The following TRARG1 variants were observed in gnomAD, a reference collection of about 807,000 sequenced individuals.
TRARG1 encodes the protein trafficking regulator of GLUT4 1.
In TRARG1, 16 loss-of-function variants were observed where a neutral mutation model predicts 13.3. The ratio of observed to expected loss-of-function variants is 1.20; its 90% CI spans 0.81 to 1.83. The LOEUF is 1.83. Ranked by LOEUF, TRARG1 falls within the 40% of genes most tolerant of loss-of-function variation. The probability of loss-of-function intolerance (pLI) is 0.00; values close to 1 mark genes in which losing one functional copy is unlikely to be tolerated. For missense variants in TRARG1, 250 were observed against 237.4 expected, an observed-to-expected ratio of 1.05 and a Z score of -0.35; for synonymous variants, 113 against 106.2, an observed-to-expected ratio of 1.06 and a Z score of -0.39.
chr17:1,280,806 T>G (rs988335102), intron 1 of TRARG1, among the ~76,000 whole-genome samples: 4 of 152,166 alleles, frequency 2.6e-5, no homozygotes, highest in Non-Finnish European at 4.4e-5. Context: ...CCAGCGCCCA[T>G]GTGTCCTCCC....
chr17:1,281,539 T>A (rs1234894206), intron 1 of TRARG1, among the ~76,000 whole-genome samples: 1 of 152,156 alleles, frequency 6.6e-6, no homozygotes, highest in Non-Finnish European at 1.5e-5. Context: ...AGTACTACCT[T>A]TCAGGACATC....
At position 1,280,332 on chromosome 17, in the gene TRARG1, G is replaced by A. The variant is rs753286797; in HGVS notation, c.331G>A (p.Ala111Thr). The change falls in exon 1 of 3, where the codon GCC becomes ACC. Residue 111 changes from alanine (A) to threonine (T), a missense_variant. Ala to Thr is a moderately conservative substitution (Grantham distance 58, BLOSUM62 0). Coordinates refer to ENST00000333813, the MANE Select transcript of TRARG1 (RefSeq NM_172367.3). ...PRDYLILAVV[A>T]CFCPVWPLNL... ...AGATTACCTCATCCTGGCCGTCGTC[G>A]CCTGCTTCTGCCCCGTCTGGCCCCT... 22 of 1,613,022 alleles carry A rather than the reference G, an allele frequency of 1.4e-5. No homozygotes were observed. Among genetic ancestry groups the A allele is most frequent in the South Asian group, 2.2e-5 (2 of 90,948 alleles).
In TRARG1 at chr17:1,280,395, G is replaced by A. The variant is rs773523379; in HGVS notation, c.387+7G>A. ...CCTCATCATTTCCATCATGGTAAGT[G>A]CTGGTCTTTGTTCCAGGGGCAGGGG... On this transcript the variant is annotated splice_region_variant and intron_variant, in intron 1 of 2. Transcript: ENST00000333813. 1 of 1,575,526 alleles carries A rather than the reference G, an allele frequency of 6.3e-7. No homozygotes were observed. The highest frequency in any genetic ancestry group is 8.6e-7 in the Non-Finnish European group (1 of 1,161,706).
At position 1,295,549 on chromosome 17, in the gene TRARG1, C is replaced by T. The variant is rs2072105198; in HGVS notation, c.446C>T (p.Ala149Val). The stretch of plus-strand genomic sequence containing the variant: ...GGCGCCCGGAGGCTGGGCCGCCTGG[C>T]TCGGCTGCTCAGCATTACCCTCATC... ...VDGARRLGRL[A>V]RLLSITLIIM... Residue 149 changes from alanine (A) to valine (V), a missense_variant, in exon 2 of 3, where the codon GCT becomes GTT. Transcript: ENST00000333813. 2 of 1,613,304 alleles carry T rather than the reference C, an allele frequency of 1.2e-6. No homozygotes were observed. Among genetic ancestry groups the T allele is most frequent in the Non-Finnish European group, 1.7e-6 (2 of 1,179,822 alleles).
In TRARG1 at chr17:1,290,124, C is replaced by T. The variant is rs118088900; in HGVS notation, c.388-5367C>T. Among the ~76,000 whole-genome samples the T allele has an allele frequency of 1.4e-3, 214 of 152,326 alleles. 1 individual carries two copies. The highest frequency in any genetic ancestry group is 2.4e-3 in the Admixed American group (36 of 15,292). On this transcript the variant is annotated intron_variant, in intron 1 of 2. Coordinates refer to ENST00000333813, the MANE Select transcript of TRARG1 (RefSeq NM_172367.3). ...ACCTGAACTCTTTTCCAATTCTCTA[C>T]TTCCTTCCAGTCTTTGAAACTGTCT...
chr17:1,281,801 T>G (rs1055786186), intron 1 of TRARG1, among the ~76,000 whole-genome samples: 1 of 152,046 alleles, frequency 6.6e-6, no homozygotes, highest in Non-Finnish European at 1.5e-5. Context: ...AGAAAACAGC[T>G]GCTGGAATCC....
chr17:1,297,012 T>C (rs998699977), intron 2 of TRARG1, among the ~76,000 whole-genome samples: 1 of 152,104 alleles, frequency 6.6e-6, no homozygotes, highest in Non-Finnish European at 1.5e-5. Flanking sequence ...TGAGGTGACT[T>C]TGGGGGGTCA....
At chr17:1,282,197 C>T (rs1379579767) in intron 1 of TRARG1, among the ~76,000 whole-genome samples, 2 of 143,160 alleles carry the variant, frequency 1.4e-5, no homozygotes, top group Non-Finnish European at 3.0e-5. Context: ...TGTACGTGTA[C>T]ACGTGCGTAT....
At position 1,279,710 on chromosome 17, in the gene TRARG1, T is replaced by C. The variant is rs947773813; in HGVS notation, c.-292T>C. ...GCTTTCCGTTGCTTCCCTGCCCATC[T>C]GTGCTCTCAGCAGCACCAGCAAAGT... On this transcript the variant is annotated 5_prime_UTR_variant, in exon 1 of 3. Transcript: ENST00000333813. 6 of 412,158 alleles carry C rather than the reference T, an allele frequency of 1.5e-5. No homozygotes were observed. Among genetic ancestry groups the C allele is most frequent in the Non-Finnish European group, 2.6e-5 (6 of 229,044 alleles). The allele number at this position is 412,158 out of a possible 1,614,324, so 25.5% of individuals were successfully genotyped here.
At chr17:1,292,759 T>C (rs1197979306) in intron 1 of TRARG1, among the ~76,000 whole-genome samples, 1 of 152,208 alleles carries the variant, frequency 6.6e-6, no homozygotes, top group East Asian at 1.9e-4. Flanking sequence ...GTTCTCCTGG[T>C]ATCAAGTGCC....
chr17:1,280,960 G>A (rs2071968869), intron 1 of TRARG1, among the ~76,000 whole-genome samples: 1 of 152,184 alleles, frequency 6.6e-6, no homozygotes, highest in African/African-American at 2.4e-5. Context: ...TGCTCCTCCC[G>A]AGGCGTGGAG....
intron 1 of TRARG1, among the ~76,000 whole-genome samples, chr17:1,283,639 T>A (rs1268031260): frequency 6.6e-6 from 1 of 151,264 alleles, no homozygotes; most frequent in African/African-American, 2.4e-5. Context: ...CAACCCCATC[T>A]CTACTAAAAA....
At position 1,279,854 on chromosome 17, in the gene TRARG1, C is replaced by A; in HGVS notation, c.-148C>A. 1.1e-6 allele frequency: 1 copy of A among 918,044 alleles called. No individual in the cohort carries two copies. Among genetic ancestry groups the A allele is most frequent in the Non-Finnish European group, 1.6e-6 (1 of 632,794 alleles). 56.9% of individuals were successfully genotyped at this position (918,044 alleles called of 1,614,324 possible). ...CTTGAGAAGCTCAGCCCAACCCTTC[C>A]AGCACCCAGCCGGCCCTCCGTCTCC... On this transcript the variant is annotated 5_prime_UTR_variant, in exon 1 of 3. Coordinates refer to ENST00000333813, the MANE Select transcript of TRARG1 (RefSeq NM_172367.3).
intron 2 of TRARG1, among the ~76,000 whole-genome samples, chr17:1,296,178 A>G (rs1296918791): frequency 6.6e-6 from 1 of 152,148 alleles, no homozygotes; most frequent in Non-Finnish European, 1.5e-5. Context: ...CAGGGGAAAC[A>G]TTTTTTATTA....
intron 2 of TRARG1, among the ~76,000 whole-genome samples, chr17:1,296,433 T>G (rs1384589063): frequency 6.6e-6 from 1 of 151,118 alleles, no homozygotes; most frequent in Non-Finnish European, 1.5e-5. Context: ...GACCTCAGGT[T>G]ATCCACCCAC....
At chr17:1,290,707 G>A (rs1316175966) in intron 1 of TRARG1, among the ~76,000 whole-genome samples, 1 of 151,880 alleles carries the variant, frequency 6.6e-6, no homozygotes, top group South Asian at 2.1e-4. Flanking sequence ...TGGACTAATC[G>A]CAATCCCTGC....
rs536991604 is a variant in TRARG1 at position 1,282,628 on chromosome 17, G to A, written c.387+2240G>A. On this transcript the variant is annotated intron_variant, in intron 1 of 2. Transcript: ENST00000333813. ...TCGTGATCCACCCACCTCGGCCTCC[G>A]AAAGGGCTGGGATTACAGGTGTGAG... 9.3e-5 allele frequency among the ~76,000 whole-genome samples: 14 copies of A among 150,886 alleles called. 1 individual carries two copies. The South Asian group carries it at 1.3e-3, about 14-fold the overall frequency.
intron 1 of TRARG1, among the ~76,000 whole-genome samples, chr17:1,294,802 C>A (rs924756756): frequency 2.6e-4 from 39 of 151,992 alleles, no homozygotes; most frequent in Admixed American, 8.5e-4. Flanking sequence ...TCTCCTGCGT[C>A]AGCCTCCTGA....
intron 1 of TRARG1, among the ~76,000 whole-genome samples, chr17:1,292,789 C>T (rs1285468775): frequency 2.0e-5 from 3 of 152,170 alleles, no homozygotes; most frequent in African/African-American, 7.2e-5. Context: ...TCATGCCACC[C>T]ACCACAGTTG....
Sources: allele counts gnomAD v4.1 joint callset (sites outside exome capture counted in the v4.1 genomes callset), GRCh38; gene constraint gnomAD v4.1.1; transcripts MANE v1.5; gene names NCBI Gene and HGNC (gene_info 2026-07-23, HGNC 2026-07-21).